ITGA5: variants seen among roughly 807,000 people sequenced by gnomAD.
ITGA5 encodes integrin alpha-5.
Under a neutral mutation model 146.3 loss-of-function variants are expected in ITGA5, and 55 were observed. That is an observed-to-expected ratio of 0.38 (90% CI 0.30 to 0.47). ITGA5 has a LOEUF of 0.47. Ranked by LOEUF, ITGA5 falls within the 20% of genes least tolerant of loss-of-function variation. The pLI is 0.99. For missense variants in ITGA5, 1,131 were observed against 1,329.0 expected, an observed-to-expected ratio of 0.85 and a Z score of 2.32; for synonymous variants, 500 against 531.8, an observed-to-expected ratio of 0.94 and a Z score of 0.82.
chr12:54,403,059 C>T lies in ITGA5; in HGVS notation c.1915-9G>A. Reference sequence around the variant, plus strand: ...TCCAGCAAGATCTGAGCCTGGGGAGCAGGGCAGCCTTGAGAGGGGAAGTTT... The same window carrying T: ...TCCAGCAAGATCTGAGCCTGGGGAGTAGGGCAGCCTTGAGAGGGGAAGTTT... On this transcript the variant is annotated splice_polypyrimidine_tract_variant and intron_variant, in intron 18 of 29. Coordinates refer to ENST00000293379, the MANE Select transcript of ITGA5 (RefSeq NM_002205.5). The surrounding 1 kb of genome is among the most constrained non-coding windows in gnomAD (Gnocchi z 4.9). The T allele has an allele frequency of 1.9e-6, 3 of 1,614,096 alleles. No individual in the cohort carries two copies. In the South Asian group the frequency reaches 3.3e-5, roughly 18 times the overall value.
intron 11 of ITGA5, 84 bp from the exon 12 acceptor site, chr12:54,405,458 C>A: frequency 8.3e-7 from 1 of 1,200,932 alleles, no homozygotes; most frequent in East Asian, 2.5e-5. Context: ...CCCGGACACT[C>A]TGAATTCCAT....
At position 54,409,025 on chromosome 12, in the gene ITGA5, G is replaced by T; in HGVS notation, c.584-71C>A. 6.6e-7 allele frequency: 1 copy of T among 1,510,030 alleles called. No individual in the cohort carries two copies. The highest frequency in any genetic ancestry group is 9.2e-7 in the Non-Finnish European group (1 of 1,089,596). 93.5% of individuals were successfully genotyped at this position (1,510,030 alleles called of 1,614,324 possible). A position where few individuals can be genotyped will look rare whatever the true frequency, so the allele number is the denominator to read the frequency against. On this transcript the variant is annotated intron_variant, in intron 4 of 29. Transcript: ENST00000293379. This position sits in a 1 kb window ranked among gnomAD's most constrained non-coding sequence, Gnocchi z 4.7. ...CATCCAGGAAAGAAGAGAGGGCATA[G>T]GGAAGGAGGTGGGAGAGAGAACCAG...
rs1224428774 is a variant in ITGA5, at chr12:54,403,502, A to C, written c.1776+123T>G. ...CTCTGACAGAAGGTCTCCCTTTCTCAGCCCCTACAAGAGTCCCAAGCCCTT... is the reference window on the plus strand; with the variant it reads ...CTCTGACAGAAGGTCTCCCTTTCTCCGCCCCTACAAGAGTCCCAAGCCCTT... On this transcript the variant is annotated intron_variant, in intron 17 of 29. Coordinates refer to ENST00000293379, the MANE Select transcript of ITGA5 (RefSeq NM_002205.5). This position sits in a 1 kb window ranked among gnomAD's most constrained non-coding sequence, Gnocchi z 4.9. 2.3e-6 allele frequency: 3 copies of C among 1,300,036 alleles called. No homozygotes were observed. The highest frequency in any genetic ancestry group is 4.7e-5 in the Admixed American group (2 of 42,510). The allele number at this position is 1,300,036 out of a possible 1,614,324, so 80.5% of individuals were successfully genotyped here.
Position 54,405,677 on chromosome 12 carries a change from C to T in ITGA5, c.1003G>A (p.Val335Ile), listed in dbSNP as rs762335174. The T allele has an allele frequency of 2.2e-5, 35 of 1,613,660 alleles. No individual in the cohort carries two copies. The highest frequency in any genetic ancestry group is 1.1e-4 in the East Asian group (5 of 44,894). ...YFGYAVAATD[V>I]NGDGLDDLLV... ...CCCACCACTCACCCGTCCCCATTGA[C>T]GTCTGTGGCGGCCACTGCATAGCCA... Residue 335 changes from valine (V) to isoleucine (I), a missense_variant, in exon 11 of 30, where the codon GTC (valine) becomes ATC (isoleucine). Around this residue, in one of 3 missense-constraint regions of ITGA5, gnomAD observed 889 missense variants for 1,021.5 expected, o/e 0.87. Transcript: ENST00000293379.
rs58853625 is a variant in ITGA5 at position 54,415,143 on chromosome 12, C to T, written c.219-3179G>A. Among the ~76,000 whole-genome samples, 300 of 151,556 alleles carry T rather than the reference C, an allele frequency of 2.0e-3. 15 individuals carry two copies. The East Asian group carries it at 0.043, about 22-fold the overall frequency. The stretch of plus-strand genomic sequence containing the variant: ...AGACTGGGCAACAAGAGCGAAACTC[C>T]GTCTCAAAAAAATAAAAAATAAAAA... On this transcript the variant is annotated intron_variant, in intron 1 of 29. Coordinates refer to ENST00000293379, the MANE Select transcript of ITGA5 (RefSeq NM_002205.5).
At chr12:54,396,801 A>G (rs1348269443) in intron 29 of ITGA5, among the ~76,000 whole-genome samples, 1 of 152,042 alleles carries the variant, frequency 6.6e-6, no homozygotes, top group Non-Finnish European at 1.5e-5. Flanking sequence ...CTCCCACCTC[A>G]GCCTCCAGAG....
At chr12:54,414,585 G>A (rs548085080) in intron 1 of ITGA5, among the ~76,000 whole-genome samples, 100 of 152,266 alleles carry the variant, frequency 6.6e-4, no homozygotes, top group African/African-American at 2.3e-3. Context: ...GGTGGCTCAC[G>A]CCTGTAATCC....
rs372473006 is a variant in ITGA5, at chr12:54,412,943, T to C, written c.219-979A>G. Among the ~76,000 whole-genome samples the C allele has an allele frequency of 1.8e-3, 275 of 152,348 alleles. 1 individual carries two copies. Among genetic ancestry groups the C allele is most frequent in the African/African-American group, 6.2e-3 (258 of 41,584 alleles). ...ACCAGTGCTCCTGCCAGCCTTGGCCTCTGCTCTGCTCTGTGTCTGCCTCTG... is the reference window on the plus strand; with the variant it reads ...ACCAGTGCTCCTGCCAGCCTTGGCCCCTGCTCTGCTCTGTGTCTGCCTCTG... On this transcript the variant is annotated intron_variant, in intron 1 of 29. Transcript: ENST00000293379.
At chr12:54,405,397 G>C in intron 11 of ITGA5, 23 bp from the exon 12 acceptor site, 1 of 1,561,954 alleles carries the variant, frequency 6.4e-7, no homozygotes, top group Middle Eastern at 2.2e-4. Context: ...GCAAACCCAG[G>C]CATCTCGATA....
chr12:54,413,357 G>A (rs1360997049), intron 1 of ITGA5: 1 of 152,680 alleles, frequency 6.5e-6, no homozygotes. Flanking sequence ...TGGTGAGAAT[G>A]GAGGGGAGAG....
intron 2 of ITGA5, among the ~76,000 whole-genome samples, chr12:54,411,312 T>C (rs1292628103): frequency 6.6e-6 from 1 of 152,234 alleles, no homozygotes. Context: ...GTTGAAAAGA[T>C]TAAGTGAACT....
intron 1 of ITGA5, among the ~76,000 whole-genome samples, chr12:54,417,020 G>A (rs1308715427): frequency 2.0e-5 from 3 of 152,122 alleles, no homozygotes; most frequent in East Asian, 1.9e-4. Context: ...GGTCACTGGG[G>A]AGGTAGAATG....
intron 15 of ITGA5, 21 bp downstream of exon 15, chr12:54,404,124 A>G (rs200074685): frequency 6.4e-7 from 1 of 1,572,958 alleles, no homozygotes; most frequent in Non-Finnish European, 8.6e-7. Context: ...GGTCTCTGCA[A>G]TTTCCTGGGC....
In ITGA5 at chr12:54,402,079, C is replaced by T. The variant is rs145142637; in HGVS notation, c.2148G>A (p.Leu716=). The change falls in exon 21 of 30, where the codon CTG becomes CTA. Residue 716 remains leucine, a synonymous_variant. Transcript: ENST00000293379. ...GGTTCACGGCAAAGTAGTCACAGCT[C>T]AGGCTGGAGAAGTTCTGGAGATGGG... ...LVRHPGNFSS[L]SCDYFAVNQS... is the part of the protein sequence containing the mutation. 3.6e-4 allele frequency: 576 copies of T among 1,614,164 alleles called. 4 individuals carry two copies. The African/African-American group carries it at 6.9e-3, about 19-fold the overall frequency.
At chr12:54,406,275 T>C (rs886730846) in intron 9 of ITGA5, among the ~76,000 whole-genome samples, 12 of 152,232 alleles carry the variant, frequency 7.9e-5, no homozygotes, top group African/African-American at 2.7e-4. Flanking sequence ...TGGTGAGTAG[T>C]AGGCACTCAA....
At position 54,398,279 on chromosome 12, in the gene ITGA5, T is replaced by G. The variant is rs150811185; in HGVS notation, c.2943+318A>C. Among the ~76,000 whole-genome samples, 1,368 of 152,330 alleles carry G rather than the reference T, an allele frequency of 9.0e-3. 23 individuals are homozygous for G. The highest frequency in any genetic ancestry group is 0.03 in the African/African-American group (1,260 of 41,576). On this transcript the variant is annotated intron_variant, in intron 28 of 29. Coordinates refer to ENST00000293379, the MANE Select transcript of ITGA5 (RefSeq NM_002205.5). ...TTAGTTCCTATTTATTCTTCAGGTC[T>G]CAGCTTGAACATCACTTCTTCCAGG...
rs554560701 is a variant in ITGA5 at position 54,400,594 on chromosome 12, G to A, written c.2643+252C>T. On this transcript the variant is annotated intron_variant, in intron 25 of 29. Transcript: ENST00000293379. ...GTTTGAAGAAGGCTTCCTAGAGGAG[G>A]TGGCACATAACTGGGCCCTAGGGGT... The A allele has an allele frequency of 1.0e-4, 44 of 441,144 alleles. 1 individual carries two copies. The highest frequency in any genetic ancestry group is 8.0e-4 in the African/African-American group (40 of 49,822). The allele number at this position is 441,144 out of a possible 1,614,324, so 27.3% of individuals were successfully genotyped here. A position where few individuals can be genotyped will look rare whatever the true frequency, so the allele number is the denominator to read the frequency against.
rs1429966768 is a variant in ITGA5 at position 54,416,145 on chromosome 12, C to T, written c.218+2836G>A. On this transcript the variant is annotated intron_variant, in intron 1 of 29. Transcript: ENST00000293379. The surrounding 1 kb of genome is among the most constrained non-coding windows in gnomAD (Gnocchi z 4.1). Reference sequence around the variant, plus strand: ...TCAGTACAGATGTGATCTCAGCTCACTGCAATCTCTGCCTCCCAGGTTCAA... The same window carrying T: ...TCAGTACAGATGTGATCTCAGCTCATTGCAATCTCTGCCTCCCAGGTTCAA... Among the ~76,000 whole-genome samples, 1 of 152,206 alleles carries T rather than the reference C, an allele frequency of 6.6e-6. No homozygotes were observed. Among genetic ancestry groups the T allele is most frequent in the Non-Finnish European group, 1.5e-5 (1 of 68,030 alleles).
rs201100268 is a variant in ITGA5 at position 54,418,945 on chromosome 12, C to T, written c.218+36G>A. The stretch of plus-strand genomic sequence containing the variant: ...GCGCCCCCAGTCTCCAGGCGGCTCC[C>T]CCACCCCCATCCCGTCTCCAGCCCT... On this transcript the variant is annotated intron_variant, in intron 1 of 29. Transcript: ENST00000293379. The T allele has an allele frequency of 5.2e-5, 83 of 1,607,620 alleles. No individual in the cohort carries two copies. In the African/African-American group the frequency reaches 9.5e-4, roughly 18 times the overall value.
Sources: gnomAD v4.1 joint callset for allele counts (sites outside exome capture counted in the v4.1 genomes callset) on GRCh38, gnomAD v4.1.1 for gene constraint, gnomAD v4.1.1 regional missense constraint, Gnocchi (gnomAD v3.1) non-coding constraint, MANE v1.5 for transcripts, NCBI Gene and HGNC (gene_info 2026-07-23, HGNC 2026-07-21) for gene names.